The following TMEM178B variants were observed in gnomAD, a reference collection of about 807,000 sequenced individuals.
The protein encoded by TMEM178B is transmembrane protein 178B.
In TMEM178B, 5 loss-of-function variants were observed where a neutral mutation model predicts 31.0. The observed-to-expected ratio is 0.16, with a 90% CI of 0.08 to 0.34. The LOEUF (loss-of-function observed/expected upper bound fraction) is 0.34, where lower values mean the gene tolerates loss of function less well. TMEM178B is among the 10% of genes least tolerant of loss of function. The pLI, the probability that TMEM178B is intolerant of heterozygous loss-of-function variation, is 1.00. For missense variants in TMEM178B, 275 were observed against 400.3 expected, an observed-to-expected ratio of 0.69 and a Z score of 2.67; for synonymous variants, 164 against 164.0, an observed-to-expected ratio of 1.00 and a Z score of 0.00.
At position 141,130,964 on chromosome 7, in the gene TMEM178B, C is replaced by A. The variant is rs1024211552; in HGVS notation, c.382+56272C>A. On this transcript the variant is annotated intron_variant, in intron 1 of 3. Transcript: ENST00000565468. Reference sequence around the variant, plus strand: ...CTTTTTTGTTTATTTTATAGCTGACCCTCTCCCACTGCTGCCATTTCATTC... The same window carrying A: ...CTTTTTTGTTTATTTTATAGCTGACACTCTCCCACTGCTGCCATTTCATTC... Among the ~76,000 whole-genome samples the A allele has an allele frequency of 6.6e-4, 100 of 152,064 alleles. 4 individuals carry two copies. The highest frequency in any genetic ancestry group is 4.3e-4 in the Non-Finnish European group (29 of 68,010).
intron 2 of TMEM178B, among the ~76,000 whole-genome samples, chr7:141,276,646 G>T (rs191726156): frequency 6.6e-6 from 1 of 152,094 alleles, no homozygotes; most frequent in Non-Finnish European, 1.5e-5. Context: ...CCCATGACAC[G>T]TGGGGATCAT....
chr7:141,298,247 G>C (rs946875468), intron 2 of TMEM178B, among the ~76,000 whole-genome samples: 1 of 152,106 alleles, frequency 6.6e-6, no homozygotes, highest in African/African-American at 2.4e-5. Flanking sequence ...TTTGTAGATT[G>C]TGGATATTAG....
chr7:141,186,849 G>C (rs1289267594), intron 1 of TMEM178B, among the ~76,000 whole-genome samples: 1 of 152,192 alleles, frequency 6.6e-6, no homozygotes, highest in Non-Finnish European at 1.5e-5. Context: ...GGGTCACCTG[G>C]TATCTGGCAC....
intron 2 of TMEM178B, among the ~76,000 whole-genome samples, chr7:141,226,043 T>C (rs1418648985): frequency 6.6e-6 from 1 of 152,190 alleles, no homozygotes; most frequent in Non-Finnish European, 1.5e-5. Context: ...ACCACGAGGC[T>C]GCTAAACATG....
At chr7:141,147,269 A>G (rs1216164007) in intron 1 of TMEM178B, among the ~76,000 whole-genome samples, 1 of 151,352 alleles carries the variant, frequency 6.6e-6, no homozygotes, top group Admixed American at 6.6e-5. Context: ...CCTGTGTTCT[A>G]ATAGAGGAGT....
At chr7:141,503,906 A>T in the TMEM178B span, among the ~76,000 whole-genome samples, 14 of 152,332 alleles carry the variant, frequency 9.2e-5, no homozygotes, top group Admixed American at 8.5e-4. Flanking sequence ...ATGTGTATCA[A>T]TTTGGAAGTT....
At chr7:141,481,710 G>C (rs958689522), downstream of TMEM178B, among the ~76,000 whole-genome samples, 17 of 151,854 alleles carry the variant, frequency 1.1e-4, no homozygotes, top group African/African-American at 4.1e-4. Context: ...TGAGGGAAGG[G>C]TTTTACAAGT....
intron 2 of TMEM178B, among the ~76,000 whole-genome samples, chr7:141,291,567 TG>T (rs1178964706): frequency 1.3e-5 from 2 of 152,142 alleles, no homozygotes; most frequent in African/African-American, 4.8e-5. Context: ...GTAAGAAAAT[TG>T]ACATCAAGGC....
At position 141,101,082 on chromosome 7, in the gene TMEM178B, G is replaced by A. The variant is rs955842190; in HGVS notation, c.382+26390G>A. Among the ~76,000 whole-genome samples the A allele has an allele frequency of 1.2e-4, 19 of 152,140 alleles. 1 individual carries two copies. The East Asian group carries it at 1.7e-3, about 14-fold the overall frequency. On this transcript the variant is annotated intron_variant, in intron 1 of 3. Transcript: ENST00000565468. ...AGATAATGTAAATTTCCACAGGCTC[G>A]ATTTGATTACTTTTCTAAGTTATTA...
intron 2 of TMEM178B, among the ~76,000 whole-genome samples, chr7:141,284,395 A>C (rs1798410956): frequency 6.6e-6 from 1 of 152,148 alleles, no homozygotes; most frequent in African/African-American, 2.4e-5. Flanking sequence ...TTTAAGATTC[A>C]AGGGATGATA....
intron 2 of TMEM178B, among the ~76,000 whole-genome samples, chr7:141,405,990 A>C (rs188702925): frequency 3.3e-5 from 5 of 152,210 alleles, no homozygotes; most frequent in African/African-American, 1.2e-4. Flanking sequence ...TGCATTATTT[A>C]TTGTTTTTTA....
intron 1 of TMEM178B, among the ~76,000 whole-genome samples, chr7:141,112,010 C>T (rs1795241213): frequency 6.6e-6 from 1 of 152,134 alleles, no homozygotes; most frequent in African/African-American, 2.4e-5. Context: ...ATTAAGGATA[C>T]ACAATTTACA....
the TMEM178B span, among the ~76,000 whole-genome samples, chr7:141,495,964 C>G: frequency 3.3e-5 from 5 of 152,178 alleles, no homozygotes; most frequent in African/African-American, 1.2e-4. Context: ...GACTGTGTTC[C>G]TAACCATTCA....
At chr7:141,122,659 T>A (rs772799599) in intron 1 of TMEM178B, among the ~76,000 whole-genome samples, 22 of 152,200 alleles carry the variant, frequency 1.4e-4, no homozygotes, top group Non-Finnish European at 3.1e-4. Context: ...ATTACACAAA[T>A]GTAATATTAT....
At chr7:141,298,679 C>T (rs1798675151) in intron 2 of TMEM178B, among the ~76,000 whole-genome samples, 1 of 152,172 alleles carries the variant, frequency 6.6e-6, no homozygotes, top group Non-Finnish European at 1.5e-5. Flanking sequence ...CAAGGATGTC[C>T]AGGGTGATTG....
intron 2 of TMEM178B, among the ~76,000 whole-genome samples, chr7:141,224,106 C>T (rs1797301718): frequency 1.3e-5 from 2 of 152,262 alleles, no homozygotes; most frequent in South Asian, 2.1e-4. Flanking sequence ...TCCCGTTTTG[C>T]TTGGCTCTCA....
intron 1 of TMEM178B, among the ~76,000 whole-genome samples, chr7:141,169,240 A>AT: frequency 6.6e-6 from 1 of 152,136 alleles, no homozygotes; most frequent in Non-Finnish European, 1.5e-5. Flanking sequence ...GTTCACCTCT[A>AT]TGTGTCCATG....
intron 2 of TMEM178B, among the ~76,000 whole-genome samples, chr7:141,393,326 C>T (rs1335405206): frequency 6.6e-6 from 1 of 152,120 alleles, no homozygotes; most frequent in Non-Finnish European, 1.5e-5. Flanking sequence ...GGGGAAGTCA[C>T]AGGAAATATA....
intron 2 of TMEM178B, among the ~76,000 whole-genome samples, chr7:141,249,333 C>T (rs6464439): frequency 1.3e-5 from 2 of 152,006 alleles, no homozygotes; most frequent in African/African-American, 4.8e-5. Context: ...TGCCTTCTGC[C>T]GTGATTGGGA....
Sources: gnomAD v4.1 joint callset for allele counts (sites outside exome capture counted in the v4.1 genomes callset) on GRCh38, gnomAD v4.1.1 for gene constraint, MANE v1.5 for transcripts, NCBI Gene and HGNC (gene_info 2026-07-23, HGNC 2026-07-21) for gene names.